The following MTCL2 variants were observed in gnomAD, a reference collection of about 807,000 sequenced individuals.
MTCL2 encodes microtubule crosslinking factor 2, also known as microtubule cross-linking factor 2.
the MTCL2 span, among the ~76,000 whole-genome samples, chr20:36,839,608 A>G: frequency 2.6e-5 from 4 of 152,204 alleles, no homozygotes; most frequent in African/African-American, 7.2e-5. This position sits in a 1 kb window ranked among gnomAD's most constrained non-coding sequence, Gnocchi z 5.1. Context: ...GGATCTGTGA[A>G]TGTTGCCTTA....
At chr20:36,815,941 C>T in the MTCL2 span, 1 of 1,612,932 alleles carries the variant, frequency 6.2e-7, no homozygotes, top group South Asian at 1.1e-5. This position sits in a 1 kb window ranked among gnomAD's most constrained non-coding sequence, Gnocchi z 5.3. Flanking sequence ...TCTCCGCCAC[C>T]CAGCGCGGAG....
chr20:36,780,840 C>T, the MTCL2 span: 1 of 152,130 alleles, frequency 6.6e-6, no homozygotes, highest in South Asian at 2.1e-4. Context: ...TAGGTTCACC[C>T]GTTGACTCAC....
the MTCL2 span, chr20:36,816,157 C>T: frequency 5.6e-5 from 90 of 1,613,656 alleles, no homozygotes; most frequent in Non-Finnish European, 6.9e-5. Flanking sequence ...GCTGACAGCG[C>T]GCTGTCCAGG....
At chr20:36,826,407 T>TCACTCTATAGCCCAGGCTAGAGTCC in the MTCL2 span, among the ~76,000 whole-genome samples, 11 of 118,574 alleles carry the variant, frequency 9.3e-5, no homozygotes, top group African/African-American at 3.6e-4. Flanking sequence ...ATGCAGGGTC[T>TCACTCTATAGCCCAGGCTAGAGTCC]CACTCTATAG....
At chr20:36,799,958 G>T in the MTCL2 span, among the ~76,000 whole-genome samples, 1 of 152,226 alleles carries the variant, frequency 6.6e-6, no homozygotes, top group African/African-American at 2.4e-5. Flanking sequence ...GACTGGGGTT[G>T]TACCTGGTGG....
At chr20:36,785,463 T>A in the MTCL2 span, 1 of 985,416 alleles carries the variant, frequency 1.0e-6, no homozygotes, top group East Asian at 1.1e-4. Context: ...GGCCCCAGTC[T>A]ACTGCTGTGT....
chr20:36,812,670 AC>A, the MTCL2 span: 1 of 1,609,414 alleles, frequency 6.2e-7, no homozygotes, highest in East Asian at 2.2e-5. Context: ...CTCTCCTCCT[AC>A]CCAATCCCAT....
chr20:36,815,683 C>T, the MTCL2 span: 5 of 1,606,450 alleles, frequency 3.1e-6, no homozygotes, highest in African/African-American at 1.3e-5. The surrounding 1 kb of genome is among the most constrained non-coding windows in gnomAD (Gnocchi z 5.3). Context: ...AGCTTCTTGA[C>T]CTTGCCGCTG....
At chr20:36,786,819 T>A in the MTCL2 span, among the ~76,000 whole-genome samples, 1 of 152,128 alleles carries the variant, frequency 6.6e-6, no homozygotes, top group South Asian at 2.1e-4. Flanking sequence ...AGAGCGGTAA[T>A]GGAAGTTCAT....
the MTCL2 span, among the ~76,000 whole-genome samples, chr20:36,802,678 A>G: frequency 6.6e-6 from 1 of 152,228 alleles, no homozygotes; most frequent in Admixed American, 6.5e-5. Flanking sequence ...AGAAAAATCT[A>G]GTTCCCACTG....
At chr20:36,860,314 T>C in the MTCL2 span, among the ~76,000 whole-genome samples, 1 of 152,206 alleles carries the variant, frequency 6.6e-6, no homozygotes, top group African/African-American at 2.4e-5. Context: ...CGTGTGCTCC[T>C]GGCAAACTGT....
chr20:36,818,469 A>G, the MTCL2 span, among the ~76,000 whole-genome samples: 1 of 152,190 alleles, frequency 6.6e-6, no homozygotes, highest in Non-Finnish European at 1.5e-5. Flanking sequence ...AGGCTTAGAA[A>G]TGGTCATAAG....
At chr20:36,835,284 C>A in the MTCL2 span, among the ~76,000 whole-genome samples, 1 of 152,104 alleles carries the variant, frequency 6.6e-6, no homozygotes, top group Non-Finnish European at 1.5e-5. Flanking sequence ...CGGTGAGGAC[C>A]AGCAGAGAGG....
chr20:36,847,205 G>A, the MTCL2 span, among the ~76,000 whole-genome samples: 1 of 152,184 alleles, frequency 6.6e-6, no homozygotes, highest in Non-Finnish European at 1.5e-5. Context: ...GGGACCTGCG[G>A]GGCTGGATTC....
the MTCL2 span, among the ~76,000 whole-genome samples, chr20:36,818,437 T>C: frequency 6.6e-6 from 1 of 151,876 alleles, no homozygotes; most frequent in Non-Finnish European, 1.5e-5. Context: ...AAAATGAATA[T>C]AACAAATCGT....
the MTCL2 span, among the ~76,000 whole-genome samples, chr20:36,813,297 A>G: frequency 1.5e-5 from 2 of 129,094 alleles, no homozygotes; most frequent in African/African-American, 5.9e-5. Flanking sequence ...TGGGCAACAG[A>G]GCAAGACTGT....
At chr20:36,839,534 TG>T in the MTCL2 span, 2 of 1,124,836 alleles carry the variant, frequency 1.8e-6, no homozygotes, top group Non-Finnish European at 2.5e-6. The surrounding 1 kb of genome is among the most constrained non-coding windows in gnomAD (Gnocchi z 5.1). Flanking sequence ...TGAAGCACCG[TG>T]GGGGACCTGG....
the MTCL2 span, among the ~76,000 whole-genome samples, chr20:36,840,119 C>T: frequency 2.0e-5 from 3 of 149,006 alleles, no homozygotes; most frequent in Non-Finnish European, 4.4e-5. Context: ...CCGCCTTGGC[C>T]TCCCAAAGTG....
At chr20:36,847,352 A>G in the MTCL2 span, among the ~76,000 whole-genome samples, 63 of 151,968 alleles carry the variant, frequency 4.1e-4, no homozygotes, top group Non-Finnish European at 6.5e-4. Flanking sequence ...TCCTTCCCAG[A>G]CTCTGATTCA....
Sources: gnomAD v4.1 joint callset for allele counts (sites outside exome capture counted in the v4.1 genomes callset) on GRCh38, gnomAD v4.1.1 for gene constraint, Gnocchi (gnomAD v3.1) non-coding constraint, MANE v1.5 for transcripts, NCBI Gene and HGNC (gene_info 2026-07-23, HGNC 2026-07-21) for gene names.